The following SLC22A23 variants were observed in gnomAD, a reference collection of about 807,000 sequenced individuals.
The protein encoded by SLC22A23 is ion transporter protein.
Under a neutral mutation model 61.0 loss-of-function variants are expected in SLC22A23, and 26 were observed. The ratio of observed to expected loss-of-function variants is 0.43; its 90% confidence interval spans 0.31 to 0.59. SLC22A23 has a LOEUF of 0.59. Ranked by LOEUF, SLC22A23 falls within the 20% of genes least tolerant of loss-of-function variation. The pLI is 0.11. For synonymous variants in SLC22A23, 430 were observed against 413.9 expected (o/e 1.04, Z -0.47); for missense variants, 796 against 934.7 (o/e 0.85, Z 1.94).
chr6:3,340,261 G>A (rs1764076217), intron 3 of SLC22A23, among the ~76,000 whole-genome samples: 1 of 152,160 alleles, frequency 6.6e-6, no homozygotes, highest in Non-Finnish European at 1.5e-5. Flanking sequence ...TCTTATGAAT[G>A]GCAAGAGGTA....
intron 3 of SLC22A23, among the ~76,000 whole-genome samples, chr6:3,350,850 G>A (rs777350935): frequency 2.0e-5 from 3 of 152,132 alleles, no homozygotes; most frequent in Non-Finnish European, 4.4e-5. Context: ...TGGTAATGGG[G>A]AGCTGGTCTC....
At chr6:3,392,356 C>T (rs775597911) in intron 3 of SLC22A23, among the ~76,000 whole-genome samples, 1 of 152,230 alleles carries the variant, frequency 6.6e-6, no homozygotes, top group Admixed American at 6.5e-5. Context: ...TAGAAATAAA[C>T]TCCACTTTGT....
intron 1 of SLC22A23, among the ~76,000 whole-genome samples, chr6:3,420,020 C>T (rs1426706304): frequency 6.6e-6 from 1 of 152,174 alleles, no homozygotes; most frequent in Non-Finnish European, 1.5e-5. Flanking sequence ...GTTAACACCT[C>T]ATCAGCAGGT....
chr6:3,359,567 CTG>C (rs150689987), intron 3 of SLC22A23, among the ~76,000 whole-genome samples: 2,583 of 152,308 alleles, frequency 0.017, 46 homozygotes, highest in Non-Finnish European at 0.025. Context: ...TGTGGGGAAA[CTG>C]GAACCCTGGT....
At chr6:3,377,937 A>T (rs1284465874) in intron 3 of SLC22A23, 1 of 152,238 alleles carries the variant, frequency 6.6e-6, no homozygotes, top group East Asian at 1.9e-4. Context: ...AGGTATCAGC[A>T]GTTCTGCCAG....
At chr6:3,369,028 T>C (rs1013155537) in intron 3 of SLC22A23, among the ~76,000 whole-genome samples, 2 of 151,812 alleles carry the variant, frequency 1.3e-5, no homozygotes, top group African/African-American at 4.8e-5. Flanking sequence ...TAATTCTGAC[T>C]GTCACTATTG....
chr6:3,395,564 G>A (rs1177054286), intron 3 of SLC22A23, among the ~76,000 whole-genome samples: 1 of 152,136 alleles, frequency 6.6e-6, no homozygotes, highest in Non-Finnish European at 1.5e-5. Context: ...TTATCTTCAG[G>A]AGACAGATAG....
intron 9 of SLC22A23, among the ~76,000 whole-genome samples, chr6:3,273,675 ATTG>A (rs1267779536): frequency 9.2e-5 from 14 of 152,216 alleles, no homozygotes; most frequent in African/African-American, 2.9e-4. Context: ...TCCTATTTTT[ATTG>A]TTTTTTCAGG....
chr6:3,369,927 C>T (rs1766099507), intron 3 of SLC22A23, among the ~76,000 whole-genome samples: 1 of 152,096 alleles, frequency 6.6e-6, no homozygotes, highest in Non-Finnish European at 1.5e-5. Flanking sequence ...TCTCCACATT[C>T]AAGAGAAAAA....
intron 3 of SLC22A23, among the ~76,000 whole-genome samples, chr6:3,395,182 T>A (rs1412591310): frequency 6.6e-6 from 1 of 152,334 alleles, no homozygotes; most frequent in Non-Finnish European, 1.5e-5. Context: ...GTATTCTCAA[T>A]CATCTGGATG....
At chr6:3,280,644 C>T (rs561356726) in intron 9 of SLC22A23, among the ~76,000 whole-genome samples, 44 of 151,872 alleles carry the variant, frequency 2.9e-4, no homozygotes, top group East Asian at 1.9e-3. Context: ...TACAGGCGCC[C>T]GCCACCACGC....
chr6:3,423,588 G>A (rs1770289135), intron 1 of SLC22A23, among the ~76,000 whole-genome samples: 1 of 152,146 alleles, frequency 6.6e-6, no homozygotes. Flanking sequence ...AAGGAAGGAG[G>A]GAGTGGGGAG....
intron 4 of SLC22A23, among the ~76,000 whole-genome samples, chr6:3,307,632 A>G (rs1489692618): frequency 6.6e-6 from 1 of 152,108 alleles, no homozygotes; most frequent in African/African-American, 2.4e-5. Context: ...GATCAGCGAG[A>G]GCTGCTCAGG....
intron 3 of SLC22A23, among the ~76,000 whole-genome samples, chr6:3,406,909 T>G (rs1399647993): frequency 6.6e-6 from 1 of 151,380 alleles, no homozygotes; most frequent in Non-Finnish European, 1.5e-5. Flanking sequence ...AGCAGAAAAC[T>G]TCCACAAGTC....
rs557925975 is a variant in SLC22A23, at chr6:3,301,819, C to T, written c.1083-3601G>A. 2.8e-4 allele frequency among the ~76,000 whole-genome samples: 43 copies of T among 152,318 alleles called. 1 individual carries two copies. The highest frequency in any genetic ancestry group is 1.0e-3 in the African/African-American group (42 of 41,562). On this transcript the variant is annotated intron_variant, in intron 4 of 9. Transcript: ENST00000406686. The stretch of plus-strand genomic sequence containing the variant: ...GTGTTACCCACAGGGTGGGGAGAAC[C>T]GCGGAGATGTGCTCACTATACACAG...
At chr6:3,393,923 T>C (rs913916856) in intron 3 of SLC22A23, among the ~76,000 whole-genome samples, 1 of 152,122 alleles carries the variant, frequency 6.6e-6, no homozygotes, top group African/African-American at 2.4e-5. Flanking sequence ...CTCCCTGCAC[T>C]CCACACAGGC....
rs931240854 is a variant in SLC22A23, at chr6:3,409,984, C to T, written c.913+204G>A. Among the ~76,000 whole-genome samples the T allele has an allele frequency of 1.2e-4, 18 of 152,290 alleles. No homozygotes were observed. The South Asian group carries it at 1.2e-3, about 11-fold the overall frequency. On this transcript the variant is annotated intron_variant, in intron 3 of 9. Transcript: ENST00000406686. ...CGTGTCCTTTGATGTGCACTGAGCC[C>T]GAGCTGGAGATCAGGATTGAGTGAA...
intron 1 of SLC22A23, among the ~76,000 whole-genome samples, chr6:3,453,060 C>A (rs1772230114): frequency 6.6e-6 from 1 of 152,130 alleles, no homozygotes; most frequent in African/African-American, 2.4e-5. Context: ...ATCCATCAAT[C>A]CCCTCTTTGG....
At chr6:3,406,415 T>C (rs1290218392) in intron 3 of SLC22A23, among the ~76,000 whole-genome samples, 1 of 152,210 alleles carries the variant, frequency 6.6e-6, no homozygotes, top group East Asian at 1.9e-4. Context: ...AGTGTCCATT[T>C]CTTTAGGCTG....
Sources: allele counts gnomAD v4.1 joint callset (sites outside exome capture counted in the v4.1 genomes callset), GRCh38; gene constraint gnomAD v4.1.1; transcripts MANE v1.5; gene names NCBI Gene and HGNC (gene_info 2026-07-23, HGNC 2026-07-21).